Variants in OTOGL observed in about 807,000 individuals in gnomAD.
The protein encoded by OTOGL is otogelin-like protein.
Under a neutral mutation model 318.5 loss-of-function variants are expected in OTOGL, and 285 were observed. The ratio of observed to expected loss-of-function variants is 0.89; its 90% CI spans 0.81 to 0.99. The LOEUF is 0.99. Among genes scored for constraint, OTOGL ranks in the 50% least tolerant of loss-of-function variants. The pLI is 0.00. For missense variants in OTOGL, 2,899 were observed against 2,845.6 expected, an observed-to-expected ratio of 1.02 and a Z score of -0.43; for synonymous variants, 987 against 936.5, an observed-to-expected ratio of 1.05 and a Z score of -0.99.
chr12:80,250,171 G>T (rs933795189), intron 11 of OTOGL, among the ~76,000 whole-genome samples: 1 of 152,092 alleles, frequency 6.6e-6, no homozygotes, highest in South Asian at 2.1e-4. Context: ...GTTCCTATTC[G>T]GCCATCTTGG....
chr12:80,264,903 T>G (rs547693382), intron 19 of OTOGL, 98 bp from the exon 20 acceptor site: 2 of 1,205,342 alleles, frequency 1.7e-6, no homozygotes, highest in Admixed American at 3.9e-5. Flanking sequence ...TTAAAAGTAA[T>G]ATGCACTACA....
rs1189475454 is a variant in OTOGL, at chr12:80,353,449, C to A, written c.5532C>A (p.Cys1844Ter). The stretch of plus-strand genomic sequence containing the variant: ...TGAATCTAAGAGAAGACTGTGTGTG[C>A]AAAGTTGGAACTATTCTTCACAGGC... ...SCLNLREDCV[C>*]KVGTILHRPH... The change falls in exon 46 of 59, where the codon TGC becomes TGA. Residue 1844 changes from cysteine to a stop codon, truncating the protein, a stop_gained. Coordinates refer to ENST00000547103, the MANE Select transcript of OTOGL (RefSeq NM_001378609.3). LOFTEE classifies it high-confidence loss of function. 1 of 1,604,084 alleles carries A rather than the reference C, an allele frequency of 6.2e-7. No homozygotes were observed. Among genetic ancestry groups the A allele is most frequent in the Non-Finnish European group, 8.5e-7 (1 of 1,174,898 alleles).
chr12:80,178,027 TTTCTA>T (rs1386580580), intron 1 of OTOGL, among the ~76,000 whole-genome samples: 3 of 151,498 alleles, frequency 2.0e-5, no homozygotes, highest in Non-Finnish European at 1.5e-5. Context: ...TTTTCTGTTT[TTTCTA>T]TTCTATTCTT....
intron 7 of OTOGL, among the ~76,000 whole-genome samples, chr12:80,227,517 T>C (rs910736684): frequency 1.3e-5 from 2 of 152,214 alleles, no homozygotes; most frequent in South Asian, 4.1e-4. Context: ...TAAAAGCGAA[T>C]TGGAAACTCT....
At chr12:80,169,880 A>G (rs766080192) in intron 1 of OTOGL, among the ~76,000 whole-genome samples, 1 of 152,206 alleles carries the variant, frequency 6.6e-6, no homozygotes, top group African/African-American at 2.4e-5. Flanking sequence ...ATTCCATTGT[A>G]TGGATCACCA....
chr12:80,195,073 C>T (rs1592535157), intron 1 of OTOGL, among the ~76,000 whole-genome samples: 1 of 152,268 alleles, frequency 6.6e-6, no homozygotes, highest in African/African-American at 2.4e-5. Flanking sequence ...TTTAATATCT[C>T]AGAATACAAT....
chr12:80,367,422 C>T (rs978031182), intron 53 of OTOGL, 139 bp from the exon 54 acceptor site: 20 of 553,766 alleles, frequency 3.6e-5, no homozygotes, highest in East Asian at 1.7e-4. Context: ...CATTAAAATA[C>T]GTAAATATGA....
chr12:80,112,362 A>G (rs1415108877), intron 1 of OTOGL, among the ~76,000 whole-genome samples: 2 of 152,164 alleles, frequency 1.3e-5, no homozygotes, highest in East Asian at 3.9e-4. Context: ...CCCATTCGGT[A>G]TGGTATTGGC....
At chr12:80,210,717 A>G (rs556192559) in intron 2 of OTOGL, 130 bp from the exon 3 acceptor site, 190 of 640,262 alleles carry the variant, frequency 3.0e-4, no homozygotes, top group Non-Finnish European at 4.1e-4. Context: ...CCTCTAAAAA[A>G]TGCAAAACTA....
intron 17 of OTOGL, among the ~76,000 whole-genome samples, chr12:80,257,243 A>G (rs761687272): frequency 1.3e-5 from 2 of 152,060 alleles, no homozygotes; most frequent in Non-Finnish European, 2.9e-5. Flanking sequence ...TTTTATGTAC[A>G]AAGAGGGCAA....
At chr12:80,159,450 A>G (rs776248859) in intron 1 of OTOGL, among the ~76,000 whole-genome samples, 1 of 152,056 alleles carries the variant, frequency 6.6e-6, no homozygotes, top group African/African-American at 2.4e-5. Context: ...AGCTGTGAAT[A>G]TGTCCAGTCC....
chr12:80,291,870 A>C (rs1176456444), intron 26 of OTOGL, among the ~76,000 whole-genome samples: 1 of 152,242 alleles, frequency 6.6e-6, no homozygotes, highest in Non-Finnish European at 1.5e-5. Flanking sequence ...GATAGAAAGA[A>C]ATATGCCTCA....
At chr12:80,114,616 T>C (rs1870048699) in intron 1 of OTOGL, among the ~76,000 whole-genome samples, 1 of 152,112 alleles carries the variant, frequency 6.6e-6, no homozygotes, top group Non-Finnish European at 1.5e-5. Flanking sequence ...TCGAGGAGTG[T>C]CTTTGTGGTG....
intron 10 of OTOGL, 33 bp downstream of exon 10, chr12:80,239,011 GA>G (rs1457804771): frequency 3.2e-6 from 5 of 1,577,556 alleles, no homozygotes; most frequent in Non-Finnish European, 4.3e-6. Context: ...GGGCATGTCA[GA>G]CAGAATACAC....
chr12:80,307,259 T>TCC (rs540738247), intron 29 of OTOGL, among the ~76,000 whole-genome samples: 1 of 148,784 alleles, frequency 6.7e-6, no homozygotes, highest in East Asian at 2.0e-4. Flanking sequence ...TCCCCACCTT[T>TCC]CCCCCCTTTC....
intron 30 of OTOGL, among the ~76,000 whole-genome samples, chr12:80,312,149 A>T (rs759838339): frequency 5.9e-5 from 9 of 152,228 alleles, no homozygotes; most frequent in Non-Finnish European, 1.3e-4. Context: ...AGTGTCAAAG[A>T]ATATCACAAT....
At chr12:80,377,819 A>C in intron 58 of OTOGL, 29 bp from the exon 59 acceptor site, 1 of 1,533,604 alleles carries the variant, frequency 6.5e-7, no homozygotes, top group Non-Finnish European at 8.9e-7. Flanking sequence ...AAAGTTTAAG[A>C]CTTTTTTTCT....
intron 1 of OTOGL, among the ~76,000 whole-genome samples, chr12:80,124,817 A>C (rs981568583): frequency 1.1e-4 from 16 of 151,996 alleles, no homozygotes; most frequent in Admixed American, 9.8e-4. Context: ...ATGGGAGTTC[A>C]CTCATGATTT....
intron 11 of OTOGL, among the ~76,000 whole-genome samples, chr12:80,241,945 G>GA (rs35325560): frequency 3.3e-5 from 5 of 151,748 alleles, no homozygotes; most frequent in South Asian, 2.1e-4. Context: ...TAAAAAGGGA[G>GA]AAAAAAAACC....
Sources: allele counts gnomAD v4.1 joint callset (sites outside exome capture counted in the v4.1 genomes callset), GRCh38; gene constraint gnomAD v4.1.1; transcripts MANE v1.5; gene names NCBI Gene and HGNC (gene_info 2026-07-23, HGNC 2026-07-21).